The following WNK1 variants were observed in gnomAD, a reference collection of about 807,000 sequenced individuals.
The protein encoded by WNK1 is serine/threonine-protein kinase WNK1.
WNK1 carries 38 observed loss-of-function variants against 222.8 expected under a neutral mutation model. The observed-to-expected ratio is 0.17, with a 90% confidence interval of 0.13 to 0.22. The LOEUF (loss-of-function observed/expected upper bound fraction) is 0.22. WNK1 is among the 10% of genes least tolerant of loss of function. The pLI is 1.00. For missense variants in WNK1, 2,348 were observed against 2,918.4 expected, an observed-to-expected ratio of 0.80 and a Z score of 4.50; for synonymous variants, 1,090 against 1,092.9, an observed-to-expected ratio of 1.00 and a Z score of 0.05.
Position 827,570 on chromosome 12 carries a change from C to T in WNK1, c.1153+308C>T, listed in dbSNP as rs1032073819. Reference sequence around the variant, plus strand: ...TTGAGATGGAGTCTCTCTCTGTCACCCAGGCTAGAGTGCAGTGGCACAATC... The same window carrying T: ...TTGAGATGGAGTCTCTCTCTGTCACTCAGGCTAGAGTGCAGTGGCACAATC... On this transcript the variant is annotated intron_variant, in intron 3 of 27. Coordinates refer to ENST00000315939, the MANE Select transcript of WNK1 (RefSeq NM_018979.4). The surrounding 1 kb of genome is among the most constrained non-coding windows in gnomAD (Gnocchi z 4.6). 1 of 439,508 alleles carries T rather than the reference C, an allele frequency of 2.3e-6. No individual in the cohort carries two copies. Among genetic ancestry groups the T allele is most frequent in the Non-Finnish European group, 4.1e-6 (1 of 243,310 alleles). The allele number at this position is 439,508 out of a possible 1,614,324, so 27.2% of individuals were successfully genotyped here. A position where few individuals can be genotyped will look rare whatever the true frequency, so the allele number is the denominator to read the frequency against.
chr12:779,248 T>C (rs1943431527), intron 1 of WNK1, among the ~76,000 whole-genome samples: 1 of 152,154 alleles, frequency 6.6e-6, no homozygotes, highest in Admixed American at 6.5e-5. Context: ...ATTTGACATG[T>C]GAGTGGTATT....
At chr12:803,674 T>G (rs919672960) in intron 1 of WNK1, among the ~76,000 whole-genome samples, 1 of 152,152 alleles carries the variant, frequency 6.6e-6, no homozygotes, top group Non-Finnish European at 1.5e-5. Context: ...GAAGCAGATG[T>G]TGCAGTGAGC....
rs187106160 is a variant in WNK1 at position 909,067 on chromosome 12, G to T, written c.*275G>T. On this transcript the variant is annotated 3_prime_UTR_variant, in exon 28 of 28. Coordinates refer to ENST00000315939, the MANE Select transcript of WNK1 (RefSeq NM_018979.4). ...CCTGTTTATCTATACTCAGTAATGA[G>T]GATGAGGGCTAGGAAAGTCTTGTTC... 17 of 458,708 alleles carry T rather than the reference G, an allele frequency of 3.7e-5. 1 individual carries two copies. The Admixed American group carries it at 5.9e-4, about 16-fold the overall frequency. 28.4% of individuals were successfully genotyped at this position (458,708 alleles called of 1,614,324 possible).
At chr12:857,371 G>T in intron 5 of WNK1, 122 bp downstream of exon 5, 1 of 938,220 alleles carries the variant, frequency 1.1e-6, no homozygotes, top group Non-Finnish European at 1.7e-6. Flanking sequence ...ATTTGTGCCT[G>T]TAACATTTTT....
In WNK1 at chr12:906,039, G is replaced by A. The variant is rs528160387; in HGVS notation, c.6644-1808G>A. On this transcript the variant is annotated intron_variant, in intron 26 of 27. Transcript: ENST00000315939. ...GATATAAGCTTGACTTGAGACCAGC[G>A]ATGGTCAGTAACAGGCTTTGAAGTG... Among the ~76,000 whole-genome samples the A allele has an allele frequency of 7.2e-5, 11 of 152,290 alleles. No individual in the cohort carries two copies. The East Asian group carries it at 1.9e-3, about 27-fold the overall frequency.
At chr12:897,968 C>A (rs1400860187) in intron 25 of WNK1, among the ~76,000 whole-genome samples, 1 of 152,172 alleles carries the variant, frequency 6.6e-6, no homozygotes, top group Non-Finnish European at 1.5e-5. Flanking sequence ...TTAGCTTTGC[C>A]TGTTAACTCG....
At chr12:865,245 T>C in intron 8 of WNK1, 1 of 1,536,140 alleles carries the variant, frequency 6.5e-7, no homozygotes. Context: ...TCCTCCGGAC[T>C]GCCCCGAGGA....
At chr12:893,140 C>T (rs1246716678) in intron 22 of WNK1, among the ~76,000 whole-genome samples, 1 of 152,048 alleles carries the variant, frequency 6.6e-6, no homozygotes, top group African/African-American at 2.4e-5. Flanking sequence ...ACCTGTTGTT[C>T]TAGCTTCTCA....
chr12:851,306 AGT>A, intron 4 of WNK1: 1 of 944,078 alleles, frequency 1.1e-6, no homozygotes, highest in Non-Finnish European at 1.3e-6. Context: ...ATGGGTTTCT[AGT>A]GTACATAGAG....
chr12:857,253 A>G lies in WNK1; in HGVS notation c.1400+4A>G, dbSNP rs1950856479. ...TACGACAAAACAAAGATGAAAGGTA[A>G]GTTGCCTCTTTTGATCTGGGTGATA... On this transcript the variant is annotated splice_donor_region_variant and intron_variant, in intron 5 of 27. Coordinates refer to ENST00000315939, the MANE Select transcript of WNK1 (RefSeq NM_018979.4). The G allele has an allele frequency of 1.2e-6, 2 of 1,613,828 alleles. No individual in the cohort carries two copies. Among genetic ancestry groups the G allele is most frequent in the Admixed American group, 1.7e-5 (1 of 60,030 alleles).
rs752443662 is a variant in WNK1, at chr12:754,300, G to T, written c.735G>T (p.Val245=). ...AAGGTCTGGACACTGAAACCACCGT[G>T]GAAGTCGCCTGGTGTGAACTGCAGG... is the stretch of plus-strand genomic sequence containing the variant. The part of the protein sequence containing the change: ...VYKGLDTETT[V]EVAWCELQDR... Residue 245 remains valine (V), a synonymous_variant, in exon 1 of 28, where the codon GTG becomes GTT. Coordinates refer to ENST00000315939, the MANE Select transcript of WNK1 (RefSeq NM_018979.4). The T allele has an allele frequency of 6.2e-7, 1 of 1,613,408 alleles. No individual in the cohort carries two copies. Among genetic ancestry groups the T allele is most frequent in the Admixed American group, 1.7e-5 (1 of 60,002 alleles).
At chr12:771,913 G>C (rs567229812) in intron 1 of WNK1, among the ~76,000 whole-genome samples, 2 of 151,890 alleles carry the variant, frequency 1.3e-5, no homozygotes, top group Non-Finnish European at 2.9e-5. Flanking sequence ...GCCTCCCAAA[G>C]TATTGGGATT....
chr12:853,123 C>T (rs1024612594), intron 4 of WNK1, among the ~76,000 whole-genome samples: 2 of 152,110 alleles, frequency 1.3e-5, no homozygotes, highest in African/African-American at 4.8e-5. Context: ...TAACTTGGCA[C>T]CTATGGTACA....
In WNK1 at chr12:861,361, T is replaced by C; in HGVS notation, c.1951+18T>C. 6.2e-7 allele frequency: 1 copy of C among 1,612,046 alleles called. No individual in the cohort carries two copies. Among genetic ancestry groups the C allele is most frequent in the South Asian group, 1.1e-5 (1 of 91,004 alleles). ...TGTGTTATGTACGTATCTTGGGAAG[T>C]GGACAGATAGGCTAATGATTCTCCT... is the stretch of plus-strand genomic sequence containing the variant. On this transcript the variant is annotated intron_variant, in intron 7 of 27. Transcript: ENST00000315939.
Position 885,102 on chromosome 12 carries a change from T to C in WNK1, c.4298T>C (p.Val1433Ala). ...TCTACTACATCCCCGTCACTTCAAG[T>C]CCCCACATCCACATCTGAGATCGTT... is the stretch of plus-strand genomic sequence containing the variant. ...SISTTSPSLQ[V>A]PTSTSEIVVS... The change falls in exon 19 of 28, where the codon GTC becomes GCC. Residue 1433 changes from valine (V) to alanine (A), a missense_variant. Coordinates refer to ENST00000315939, the MANE Select transcript of WNK1 (RefSeq NM_018979.4). The C allele has an allele frequency of 1.2e-6, 2 of 1,614,200 alleles. No individual in the cohort carries two copies. The highest frequency in any genetic ancestry group is 1.7e-6 in the Non-Finnish European group (2 of 1,180,030).
At chr12:779,457 T>G (rs2153965458) in intron 1 of WNK1, among the ~76,000 whole-genome samples, 1 of 150,116 alleles carries the variant, frequency 6.7e-6, no homozygotes, top group East Asian at 2.0e-4. Flanking sequence ...CGGGCTGGAG[T>G]GCAGTGGCAC....
intron 1 of WNK1, among the ~76,000 whole-genome samples, chr12:762,354 A>G (rs566305350): frequency 1.4e-5 from 2 of 147,834 alleles, no homozygotes; most frequent in South Asian, 4.4e-4. Flanking sequence ...CTCCTCACGT[A>G]TAGTTTAAGT....
chr12:898,618 G>C (rs1954952779), intron 25 of WNK1, among the ~76,000 whole-genome samples: 1 of 152,062 alleles, frequency 6.6e-6, no homozygotes, highest in African/African-American at 2.4e-5. Flanking sequence ...GCCCAGACTG[G>C]AGTGCAGTGG....
chr12:784,692 T>C (rs1041951876), intron 1 of WNK1, among the ~76,000 whole-genome samples: 2 of 152,234 alleles, frequency 1.3e-5, no homozygotes, highest in African/African-American at 2.4e-5. Context: ...ATTAAAACTT[T>C]TAGATATTCT....
Sources: allele counts gnomAD v4.1 joint callset (sites outside exome capture counted in the v4.1 genomes callset), GRCh38; gene constraint gnomAD v4.1.1; non-coding constraint Gnocchi (gnomAD v3.1); transcripts MANE v1.5; gene names NCBI Gene and HGNC (gene_info 2026-07-23, HGNC 2026-07-21).